CNGB3: variants seen among roughly 807,000 people sequenced by gnomAD.
CNGB3 encodes the protein cyclic nucleotide-gated channel beta-3.
A neutral mutation model predicts 92.8 loss-of-function variants in CNGB3; 86 were observed. The ratio of observed to expected loss-of-function variants is 0.93; its 90% CI spans 0.78 to 1.11. CNGB3 has a LOEUF of 1.11. Among genes scored for constraint, CNGB3 ranks in the 50% least tolerant of loss-of-function variants. The probability of loss-of-function intolerance (pLI) is 0.00; values close to 1 mark genes in which losing one functional copy is unlikely to be tolerated. For missense variants in CNGB3, 1,026 were observed against 956.8 expected, an observed-to-expected ratio of 1.07 and a Z score of -0.95; for synonymous variants, 333 against 332.7, an observed-to-expected ratio of 1.00 and a Z score of -0.01.
chr8:86,742,272 A>G (rs887461207), intron 1 of CNGB3, among the ~76,000 whole-genome samples: 3 of 152,222 alleles, frequency 2.0e-5, no homozygotes, highest in Non-Finnish European at 4.4e-5. Flanking sequence ...GAAGGAAAGT[A>G]CCAGCTCAAT....
At chr8:86,658,118 C>T in intron 6 of CNGB3, 1 of 532,582 alleles carries the variant, frequency 1.9e-6, no homozygotes, top group Non-Finnish European at 3.5e-6. Context: ...GAATCGCCTC[C>T]AGTCCCTGGG....
intron 6 of CNGB3, among the ~76,000 whole-genome samples, chr8:86,666,660 T>C (rs1823743923): frequency 6.6e-6 from 1 of 152,194 alleles, no homozygotes; most frequent in Non-Finnish European, 1.5e-5. Context: ...TATTTAATCT[T>C]TCCATCAATA....
intron 1 of CNGB3, among the ~76,000 whole-genome samples, chr8:86,742,928 G>T (rs1213949328): frequency 6.6e-6 from 1 of 152,136 alleles, no homozygotes; most frequent in Non-Finnish European, 1.5e-5. Flanking sequence ...AAATTTTGTA[G>T]TGTATAATTC....
chr8:86,657,837 G>A (rs1468594872), intron 6 of CNGB3: 4 of 523,026 alleles, frequency 7.6e-6, no homozygotes, highest in Non-Finnish European at 1.5e-5. Context: ...CTTCAGCACT[G>A]ACCTCTAGCT....
At chr8:86,622,548 A>G (rs1250459748) in intron 13 of CNGB3, among the ~76,000 whole-genome samples, 2 of 151,968 alleles carry the variant, frequency 1.3e-5, no homozygotes, top group Non-Finnish European at 2.9e-5. Context: ...TTCCTAATCA[A>G]TCTCCTCATC....
chr8:86,692,865 T>C (rs1485577007), intron 3 of CNGB3, among the ~76,000 whole-genome samples: 1 of 152,170 alleles, frequency 6.6e-6, no homozygotes, highest in East Asian at 1.9e-4. Context: ...TTGGTGTATT[T>C]TGAGGTTTTG....
chr8:86,600,910 G>A (rs528781935), intron 15 of CNGB3, among the ~76,000 whole-genome samples: 40 of 149,658 alleles, frequency 2.7e-4, no homozygotes, highest in African/African-American at 8.1e-4. Context: ...GATTACAGGC[G>A]TGAGCCACCA....
At chr8:86,655,602 C>A (rs893260075) in intron 6 of CNGB3, among the ~76,000 whole-genome samples, 5 of 152,116 alleles carry the variant, frequency 3.3e-5, no homozygotes, top group Non-Finnish European at 5.9e-5. Flanking sequence ...CCTTATAGCA[C>A]CCTGGGCATG....
intron 12 of CNGB3, among the ~76,000 whole-genome samples, chr8:86,627,998 T>C (rs192813196): frequency 1.8e-4 from 27 of 152,340 alleles, no homozygotes; most frequent in Admixed American, 1.7e-3. Flanking sequence ...CTAGTAAGTA[T>C]AGTTCTTTTC....
intron 4 of CNGB3, among the ~76,000 whole-genome samples, chr8:86,668,787 C>T (rs139985189): frequency 1.3e-5 from 2 of 151,558 alleles, no homozygotes; most frequent in East Asian, 1.9e-4. Flanking sequence ...CTGGGTAGAC[C>T]GGAAGTTTTC....
chr8:86,733,936 T>C (rs1825202271), intron 2 of CNGB3, among the ~76,000 whole-genome samples: 3 of 152,156 alleles, frequency 2.0e-5, no homozygotes, highest in African/African-American at 7.2e-5. Flanking sequence ...GGCATGACCA[T>C]AGCTCACTGT....
At chr8:86,647,948 A>G (rs1286160914) in intron 7 of CNGB3, 61 bp from the exon 8 acceptor site, 14 of 948,044 alleles carry the variant, frequency 1.5e-5, no homozygotes, top group Non-Finnish European at 2.3e-5. Context: ...GAATGGATGG[A>G]TTTACGCTGA....
In CNGB3 at chr8:86,628,973, G is replaced by T; in HGVS notation, c.1426C>A (p.Gln476Lys). The T allele has an allele frequency of 6.2e-7, 1 of 1,613,932 alleles. No homozygotes were observed. Among genetic ancestry groups the T allele is most frequent in the South Asian group, 1.1e-5 (1 of 91,076 alleles). The stretch of plus-strand genomic sequence containing the variant: ...TCATACCAAGTCCGAACTCGCTTTT[G>T]CACAAGTTTAGGAATGGAGTAATTG... The part of the protein sequence containing the change: ...MNNYSIPKLV[Q>K]KRVRTWYEYT... The change falls in exon 12 of 18, where the codon CAA becomes AAA. Residue 476 changes from glutamine to lysine, a missense_variant. By Grantham distance (53) the Gln-to-Lys change is moderately conservative. Transcript: ENST00000320005.
chr8:86,604,196 C>A lies in CNGB3; in HGVS notation c.1678G>T (p.Glu560Ter). ...TCTCCATGCTTGATGATATACATTT[C>A]CTTGCCAATTTCTCCCTACATTTTA... The part of the protein sequence containing the change: ...FVCKKGEIGK[E>*]MYIIKHGEVQ... The change falls in exon 15 of 18, where the codon GAA (glutamate) becomes TAA (stop). Residue 560 changes from glutamate to a stop codon, truncating the protein, a stop_gained. Coordinates refer to ENST00000320005, the MANE Select transcript of CNGB3 (RefSeq NM_019098.5). LOFTEE classifies it high-confidence loss of function. 6.2e-7 allele frequency: 1 copy of A among 1,609,848 alleles called. No individual in the cohort carries two copies. The highest frequency in any genetic ancestry group is 8.5e-7 in the Non-Finnish European group (1 of 1,176,268).
intron 3 of CNGB3, among the ~76,000 whole-genome samples, chr8:86,700,432 T>C (rs1012815650): frequency 2.0e-5 from 3 of 152,188 alleles, no homozygotes; most frequent in African/African-American, 7.2e-5. Flanking sequence ...ATGGTAAAAA[T>C]TCTGGAAATT....
chr8:86,633,289 T>C (rs1822998203), intron 10 of CNGB3, among the ~76,000 whole-genome samples: 1 of 152,190 alleles, frequency 6.6e-6, no homozygotes, highest in Admixed American at 6.5e-5. Flanking sequence ...TGAAACCAAA[T>C]GTCTGAAACC....
intron 15 of CNGB3, among the ~76,000 whole-genome samples, chr8:86,580,197 G>T (rs1018674461): frequency 6.7e-6 from 1 of 150,158 alleles, no homozygotes; most frequent in African/African-American, 2.5e-5. Flanking sequence ...GCACGGGGGG[G>T]GTGGCGGGGG....
intron 2 of CNGB3, 74 bp from the exon 3 acceptor site, chr8:86,726,731 T>G: frequency 6.5e-7 from 1 of 1,541,242 alleles, no homozygotes; most frequent in South Asian, 1.1e-5. Context: ...CAACATGAGC[T>G]ACAAAGATGC....
intron 13 of CNGB3, among the ~76,000 whole-genome samples, chr8:86,614,808 G>T (rs546586567): frequency 5.6e-4 from 85 of 152,110 alleles, no homozygotes; most frequent in Non-Finnish European, 9.8e-4. Flanking sequence ...CCCATGAAAG[G>T]CACACTGTGA....
Sources: gnomAD v4.1 joint callset for allele counts (sites outside exome capture counted in the v4.1 genomes callset) on GRCh38, gnomAD v4.1.1 for gene constraint, MANE v1.5 for transcripts, NCBI Gene and HGNC (gene_info 2026-07-23, HGNC 2026-07-21) for gene names.